The following CFAP57 variants were observed in gnomAD, a reference collection of about 807,000 sequenced individuals.
CFAP57 encodes cilia and flagella associated protein 57.
CFAP57 carries 116 observed loss-of-function variants against 146.8 expected under a neutral mutation model. The observed-to-expected ratio is 0.79, with a 90% CI of 0.68 to 0.92. The LOEUF (loss-of-function observed/expected upper bound fraction) is 0.92, where lower values mean the gene tolerates loss of function less well. Ranked by LOEUF, CFAP57 falls within the 40% of genes least tolerant of loss-of-function variation. The probability of loss-of-function intolerance (pLI) is 0.00; values close to 1 mark genes in which losing one functional copy is unlikely to be tolerated. For synonymous variants in CFAP57, 518 were observed against 552.8 expected, an observed-to-expected ratio of 0.94 and a Z score of 0.88; for missense variants, 1,377 against 1,527.2, an observed-to-expected ratio of 0.90 and a Z score of 1.64.
chr1:43,225,308 C>CT (rs1645204070), intron 17 of CFAP57, among the ~76,000 whole-genome samples: 6 of 152,324 alleles, frequency 3.9e-5, no homozygotes, highest in African/African-American at 1.4e-4. Flanking sequence ...CAGGGGTCAG[C>CT]ACGCTCTTTC....
intron 9 of CFAP57, among the ~76,000 whole-genome samples, chr1:43,202,691 G>A: frequency 6.6e-6 from 1 of 151,916 alleles, no homozygotes; most frequent in East Asian, 1.9e-4. Flanking sequence ...GCTGAGACAG[G>A]AGGATCGCTT....
At chr1:43,211,778 A>G (rs1644626590) in intron 11 of CFAP57, among the ~76,000 whole-genome samples, 1 of 148,742 alleles carries the variant, frequency 6.7e-6, no homozygotes, top group South Asian at 2.2e-4. Context: ...TTTAGTAGCT[A>G]CACAAATATC....
At chr1:43,216,800 G>A (rs943167200) in intron 12 of CFAP57, among the ~76,000 whole-genome samples, 1 of 152,126 alleles carries the variant, frequency 6.6e-6, no homozygotes, top group African/African-American at 2.4e-5. Context: ...GTAACTCTCA[G>A]GCCATGATTT....
chr1:43,177,002 A>G (rs72678390), intron 2 of CFAP57: 9,977 of 383,586 alleles, frequency 0.026, 176 homozygotes, highest in Non-Finnish European at 0.037. Flanking sequence ...GGGGAGGCAA[A>G]GAAAGAATGG....
chr1:43,223,283 G>A (rs572523575), intron 16 of CFAP57, among the ~76,000 whole-genome samples: 20 of 152,322 alleles, frequency 1.3e-4, no homozygotes, highest in Middle Eastern at 3.4e-3. Flanking sequence ...TTACTGGCAA[G>A]TAGGATTCAG....
chr1:43,221,986 C>A, intron 14 of CFAP57, 119 bp from the exon 15 acceptor site: 1 of 836,140 alleles, frequency 1.2e-6, no homozygotes, highest in Non-Finnish European at 1.7e-6. Flanking sequence ...TGAATCTTGG[C>A]TCTGGAGGCA....
At chr1:43,197,008 A>C (rs767879393) in intron 6 of CFAP57, among the ~76,000 whole-genome samples, 1 of 152,230 alleles carries the variant, frequency 6.6e-6, no homozygotes, top group Admixed American at 6.5e-5. Flanking sequence ...ATTAAATTCT[A>C]AGATATCCAT....
rs144825658 is a variant in CFAP57, at chr1:43,226,677, G to A, written c.2866-306G>A. Among the ~76,000 whole-genome samples the A allele has an allele frequency of 2.6e-3, 397 of 152,370 alleles. 1 individual carries two copies. Among genetic ancestry groups the A allele is most frequent in the African/African-American group, 9.1e-3 (379 of 41,592 alleles). ...CCTGATGGAGAAGCAGCAAGGTCACGCTGTAGAACAGCTGGAGTGTGGGGC... is the reference window on the plus strand; with the variant it reads ...CCTGATGGAGAAGCAGCAAGGTCACACTGTAGAACAGCTGGAGTGTGGGGC... On this transcript the variant is annotated intron_variant, in intron 17 of 22. Coordinates refer to ENST00000372492, the MANE Select transcript of CFAP57 (RefSeq NM_001378189.1).
At position 43,234,643 on chromosome 1, in the gene CFAP57, C is replaced by T. The variant is rs1645616604; in HGVS notation, c.3405+5C>T. 1 of 1,547,558 alleles carries T rather than the reference C, an allele frequency of 6.5e-7. No individual in the cohort carries two copies. The highest frequency in any genetic ancestry group is 1.4e-5 in the African/African-American group (1 of 72,970). ...GACTACGTCCGCATCATGCAGGTAC[C>T]TGCATGCTCCCCTCAGCCCCTGTGG... is the stretch of plus-strand genomic sequence containing the variant. On this transcript the variant is annotated splice_donor_5th_base_variant and intron_variant, in intron 21 of 22. Transcript: ENST00000372492.
intron 2 of CFAP57, among the ~76,000 whole-genome samples, chr1:43,180,181 GGGCGACAA>G (rs1365498261): frequency 2.0e-5 from 3 of 148,250 alleles, no homozygotes; most frequent in African/African-American, 7.6e-5. Flanking sequence ...ACTCCAGCCT[GGGCGACAA>G]GAGTGAAACT....
rs192184892 is a variant in CFAP57 at position 43,224,807 on chromosome 1, C to G, written c.2865+603C>G. Among the ~76,000 whole-genome samples the G allele has an allele frequency of 5.9e-5, 9 of 152,330 alleles. 1 individual carries two copies. Among genetic ancestry groups the G allele is most frequent in the Admixed American group, 4.6e-4 (7 of 15,306 alleles). On this transcript the variant is annotated intron_variant, in intron 17 of 22. Coordinates refer to ENST00000372492, the MANE Select transcript of CFAP57 (RefSeq NM_001378189.1). ...CTCCTCTCCATCTCCCCTGCCACTA[C>G]GGCCCAAGGCAGGTGGAATTCTCCA...
In CFAP57 at chr1:43,172,537, G is replaced by T. The variant is rs972294217; in HGVS notation, c.-20+84G>T. On this transcript the variant is annotated intron_variant, in intron 1 of 22. Transcript: ENST00000372492. ...AAAAGGCAGAAAAAGGAGCCGCGGG[G>T]GTGGGGTGGCGCGGAGGAGGACCCC... 3.9e-6 allele frequency: 5 copies of T among 1,277,738 alleles called. No homozygotes were observed. The South Asian group carries it at 4.1e-5, about 10-fold the overall frequency. The allele number at this position is 1,277,738 out of a possible 1,614,324, so 79.2% of individuals were successfully genotyped here. A position where few individuals can be genotyped will look rare whatever the true frequency, so the allele number is the denominator to read the frequency against.
chr1:43,213,034 C>G (rs1457271480), intron 11 of CFAP57, among the ~76,000 whole-genome samples: 2 of 152,104 alleles, frequency 1.3e-5, no homozygotes, highest in African/African-American at 2.4e-5. Context: ...CCCCACCAAC[C>G]CATACACTCT....
chr1:43,185,930 AAAAATAC>A (rs898995729), intron 5 of CFAP57, among the ~76,000 whole-genome samples: 1 of 151,876 alleles, frequency 6.6e-6, no homozygotes, highest in African/African-American at 2.4e-5. Context: ...AAAAAGAAAA[AAAAATAC>A]AAAATACAAA....
chr1:43,203,699 T>C (rs1644233865), intron 9 of CFAP57, among the ~76,000 whole-genome samples: 1 of 152,150 alleles, frequency 6.6e-6, no homozygotes, highest in African/African-American at 2.4e-5. Context: ...CACCTCATGA[T>C]CCACCTGCCT....
intron 22 of CFAP57, among the ~76,000 whole-genome samples, chr1:43,244,788 A>G (rs1646051816): frequency 6.6e-6 from 1 of 152,222 alleles, no homozygotes; most frequent in South Asian, 2.1e-4. Context: ...CTGTAGTCCC[A>G]GCTACTCGGG....
chr1:43,231,566 C>T (rs1385847596), intron 18 of CFAP57, among the ~76,000 whole-genome samples: 2 of 152,034 alleles, frequency 1.3e-5, no homozygotes, highest in Non-Finnish European at 2.9e-5. Flanking sequence ...TTTAAAAAAT[C>T]TTTCAGCCCG....
At chr1:43,186,889 A>G (rs201473284) in intron 6 of CFAP57, 30 bp downstream of exon 6, 2 of 1,613,736 alleles carry the variant, frequency 1.2e-6, no homozygotes, top group South Asian at 2.2e-5. Context: ...GTCCTTCCAG[A>G]CCAGGACCTA....
rs1467898547 is a variant in CFAP57, at chr1:43,234,552, C to T, written c.3319C>T (p.His1107Tyr). 1.9e-6 allele frequency: 3 copies of T among 1,550,350 alleles called. No individual in the cohort carries two copies. Among genetic ancestry groups the T allele is most frequent in the Admixed American group, 2.0e-5 (1 of 50,972 alleles). The change falls in exon 21 of 23, where the codon CAC becomes TAC. Residue 1107 changes from histidine to tyrosine, a missense_variant. By Grantham distance (83) the His-to-Tyr change is moderately conservative (BLOSUM62 2). Transcript: ENST00000372492. ...LQQEYTRQRE[H>Y]LERNLATLKK... is the part of the protein sequence containing the mutation. ...GCAGGAGTACACCCGGCAGCGGGAG[C>T]ACCTGGAGAGGAACCTGGCCACTCT...
Sources: gnomAD v4.1 joint callset for allele counts (sites outside exome capture counted in the v4.1 genomes callset) on GRCh38, gnomAD v4.1.1 for gene constraint, MANE v1.5 for transcripts, NCBI Gene and HGNC (gene_info 2026-07-23, HGNC 2026-07-21) for gene names.